Variants in CD244 observed in about 807,000 individuals in gnomAD.
The protein encoded by CD244 is CD244 molecule, also known as natural killer cell receptor 2B4.
A neutral mutation model predicts 45.5 loss-of-function variants in CD244; 20 were observed. That is an observed-to-expected ratio of 0.44 (90% CI 0.31 to 0.64). The LOEUF (loss-of-function observed/expected upper bound fraction) is 0.64. CD244 is among the 30% of genes least tolerant of loss of function. The probability of loss-of-function intolerance (pLI) is 0.08; values close to 1 mark genes in which losing one functional copy is unlikely to be tolerated. For synonymous variants in CD244, 185 were observed against 160.5 expected, an observed-to-expected ratio of 1.15 and a Z score of -1.15; for missense variants, 407 against 426.9, an observed-to-expected ratio of 0.95 and a Z score of 0.41.
chr1:160,848,942 G>A (rs1488535763), intron 1 of CD244, among the ~76,000 whole-genome samples: 3 of 152,210 alleles, frequency 2.0e-5, no homozygotes, highest in Non-Finnish European at 4.4e-5. Context: ...CAAGGAGGGG[G>A]TTGTGAGAAC....
At chr1:160,851,323 G>A (rs578206290) in intron 1 of CD244, among the ~76,000 whole-genome samples, 15 of 152,214 alleles carry the variant, frequency 9.9e-5, no homozygotes, top group South Asian at 2.1e-4. Context: ...GCCAGCCATC[G>A]GTCACCTCAT....
intron 6 of CD244, among the ~76,000 whole-genome samples, chr1:160,834,571 TCAAAC>T (rs1312291402): frequency 6.6e-6 from 1 of 152,196 alleles, no homozygotes; most frequent in African/African-American, 2.4e-5. Context: ...CAGGCTGGTC[TCAAAC>T]CCCTGACCTC....
intron 1 of CD244, among the ~76,000 whole-genome samples, chr1:160,849,870 A>G (rs927469561): frequency 6.6e-6 from 1 of 152,124 alleles, no homozygotes; most frequent in Non-Finnish European, 1.5e-5. Flanking sequence ...AAAATTAGCC[A>G]GGCGGGTGGC....
intron 7 of CD244, among the ~76,000 whole-genome samples, chr1:160,832,885 TATACAC>T (rs1470130122): frequency 6.7e-6 from 1 of 148,800 alleles, no homozygotes; most frequent in Non-Finnish European, 1.5e-5. Context: ...TATATATATA[TATACAC>T]ACACACATAT....
chr1:160,832,501 G>A lies in CD244; in HGVS notation c.1017+18C>T, dbSNP rs1243362862. 1 of 1,521,698 alleles carries A rather than the reference G, an allele frequency of 6.6e-7. No homozygotes were observed. Among genetic ancestry groups the A allele is most frequent in the Admixed American group, 1.8e-5 (1 of 55,538 alleles). The allele number at this position is 1,521,698 out of a possible 1,614,324, so 94.3% of individuals were successfully genotyped here. The stretch of plus-strand genomic sequence containing the variant: ...ATGCAACAGACAGTAAACCCATTGA[G>A]GAGTTCCAGAATCTTACCACTTCAT... On this transcript the variant is annotated intron_variant, in intron 8 of 8. Coordinates refer to ENST00000368034, the MANE Select transcript of CD244 (RefSeq NM_016382.4).
At chr1:160,852,013 C>A (rs1384795772) in intron 1 of CD244, among the ~76,000 whole-genome samples, 1 of 152,062 alleles carries the variant, frequency 6.6e-6, no homozygotes, top group African/African-American at 2.4e-5. Context: ...GCAATACATA[C>A]ATTTGAAAAA....
intron 1 of CD244, among the ~76,000 whole-genome samples, chr1:160,856,561 A>C (rs1670112046): frequency 6.6e-6 from 1 of 152,170 alleles, no homozygotes; most frequent in Non-Finnish European, 1.5e-5. Context: ...AGGAATCTTC[A>C]TCTTCTTAGC....
chr1:160,834,831 C>G (rs1268915605), intron 6 of CD244, among the ~76,000 whole-genome samples: 1 of 152,202 alleles, frequency 6.6e-6, no homozygotes, highest in Non-Finnish European at 1.5e-5. Context: ...CTCCCTTTGG[C>G]AACTTGCCTC....
intron 3 of CD244, chr1:160,839,294 C>G: frequency 2.6e-6 from 1 of 389,332 alleles, no homozygotes; most frequent in Non-Finnish European, 4.6e-6. Flanking sequence ...GAGCTCTGCA[C>G]TATTTATTTA....
chr1:160,832,887 T>TATATATATATATATATACAC (rs1157419927), intron 7 of CD244, among the ~76,000 whole-genome samples: 1 of 143,110 alleles, frequency 7.0e-6, no homozygotes, highest in South Asian at 2.3e-4. Flanking sequence ...TATATATATA[T>TATATATATATATATATACAC]ACACACACAC....
At chr1:160,848,432 A>T in intron 1 of CD244, 41 of 551,438 alleles carry the variant, frequency 7.4e-5, no homozygotes, top group South Asian at 5.7e-4. Flanking sequence ...TGCAGACAGC[A>T]TGGAGCCCTT....
chr1:160,842,580 G>T (rs74124290), intron 1 of CD244, among the ~76,000 whole-genome samples: 1 of 152,090 alleles, frequency 6.6e-6, no homozygotes, highest in East Asian at 1.9e-4. Flanking sequence ...AAGACTAACC[G>T]TCCAAGCTGA....
chr1:160,836,044 A>C, intron 6 of CD244, 151 bp downstream of exon 6: 1 of 655,100 alleles, frequency 1.5e-6, no homozygotes, highest in South Asian at 1.8e-5. Context: ...GATCTTTTCA[A>C]ATAATGTGTT....
chr1:160,839,905 T>G (rs1477543107), intron 3 of CD244, among the ~76,000 whole-genome samples: 1 of 152,228 alleles, frequency 6.6e-6, no homozygotes, highest in Non-Finnish European at 1.5e-5. Context: ...GAACTTCTAC[T>G]TAAAAGATTT....
At chr1:160,837,125 C>T (rs1669361312) in intron 5 of CD244, among the ~76,000 whole-genome samples, 1 of 152,114 alleles carries the variant, frequency 6.6e-6, no homozygotes, top group African/African-American at 2.4e-5. Context: ...GAGATTTAGG[C>T]CTTCAAATTG....
intron 1 of CD244, among the ~76,000 whole-genome samples, chr1:160,859,761 T>C (rs1387271819): frequency 8.4e-6 from 1 of 118,644 alleles, no homozygotes; most frequent in Non-Finnish European, 1.8e-5. Flanking sequence ...AAAAAAAAAA[T>C]TAGCCAGGCA....
chr1:160,841,871 C>T lies in CD244; in HGVS notation c.92G>A (p.Ser31Asn). The T allele has an allele frequency of 6.2e-7, 1 of 1,614,126 alleles. No homozygotes were observed. The highest frequency in any genetic ancestry group is 8.5e-7 in the Non-Finnish European group (1 of 1,180,016). Residue 31 changes from serine (S) to asparagine (N), a missense_variant, in exon 2 of 9, where the codon AGC (serine) becomes AAC (asparagine). Transcript: ENST00000368034. ...TAACTGAAGAGGCACTCCCGAGATG[C>T]TAACCACATGGTCAGCTGATCCCTG... ...GCQGSADHVV[S>N]ISGVPLQLQP...
intron 1 of CD244, among the ~76,000 whole-genome samples, chr1:160,860,074 G>T (rs771328735): frequency 3.0e-4 from 46 of 152,062 alleles, no homozygotes; most frequent in Non-Finnish European, 5.4e-4. Flanking sequence ...AGGCTTGGTG[G>T]CATGCATCTG....
At chr1:160,846,085 G>A (rs1669723488) in intron 1 of CD244, among the ~76,000 whole-genome samples, 1 of 151,814 alleles carries the variant, frequency 6.6e-6, no homozygotes, top group Non-Finnish European at 1.5e-5. Context: ...AGGTTATTGG[G>A]GTACAGGTGG....
Sources: allele counts gnomAD v4.1 joint callset (sites outside exome capture counted in the v4.1 genomes callset), GRCh38; gene constraint gnomAD v4.1.1; transcripts MANE v1.5; gene names NCBI Gene and HGNC (gene_info 2026-07-23, HGNC 2026-07-21).